The following POLH variants were observed in gnomAD, a reference collection of about 807,000 sequenced individuals.
POLH encodes the protein DNA polymerase eta.
Under a neutral mutation model 73.6 loss-of-function variants are expected in POLH, and 53 were observed. The ratio of observed to expected loss-of-function variants is 0.72; its 90% CI spans 0.58 to 0.91. The LOEUF is 0.91. Among genes scored for constraint, POLH ranks in the 40% least tolerant of loss-of-function variants. The pLI, the probability that POLH is intolerant of heterozygous loss-of-function variation, is 0.00. For missense variants in POLH, 768 were observed against 865.4 expected (o/e 0.89, Z 1.41); for synonymous variants, 292 against 308.5 (o/e 0.95, Z 0.56).
At chr6:43,594,020 AT>A (rs1765772433) in intron 4 of POLH, among the ~76,000 whole-genome samples, 1 of 152,140 alleles carries the variant, frequency 6.6e-6, no homozygotes, top group African/African-American at 2.4e-5. Flanking sequence ...GATTTTTCTT[AT>A]CAACTAGAGA....
At chr6:43,613,373 G>A (rs1017827923) in intron 10 of POLH, among the ~76,000 whole-genome samples, 6 of 152,096 alleles carry the variant, frequency 3.9e-5, no homozygotes, top group Non-Finnish European at 7.4e-5. Context: ...TCTAGCTGTC[G>A]GGAGGTGAGT....
chr6:43,583,151 A>C lies in POLH; in HGVS notation c.272+10A>C. On this transcript the variant is annotated intron_variant, in intron 3 of 10. Coordinates refer to ENST00000372236, the MANE Select transcript of POLH (RefSeq NM_006502.3). Reference sequence around the variant, plus strand: ...AAGCTAACCTCACCAAGTAAGAAAAAAACATTATTTAAGGAGACATAAAGG... The same window carrying C: ...AAGCTAACCTCACCAAGTAAGAAAACAACATTATTTAAGGAGACATAAAGG... 6.2e-7 allele frequency: 1 copy of C among 1,613,516 alleles called. No homozygotes were observed. Among genetic ancestry groups the C allele is most frequent in the African/African-American group, 1.3e-5 (1 of 75,036 alleles).
rs1768602932 is a variant in POLH at position 43,619,938 on chromosome 6, G to A, written c.*5381G>A. On this transcript the variant is annotated 3_prime_UTR_variant, in exon 11 of 11. Transcript: ENST00000372236. ...TTGGGTCACATATTTCTTTTCCAGG[G>A]TCTCCTCAAAATGCAGTTTCTATTT... Among the ~76,000 whole-genome samples the A allele has an allele frequency of 6.6e-6, 1 of 152,120 alleles. No individual in the cohort carries two copies. Among genetic ancestry groups the A allele is most frequent in the African/African-American group, 2.4e-5 (1 of 41,408 alleles).
rs532984490 is a variant in POLH at position 43,590,156 on chromosome 6, A to C, written c.490+2667A>C. 9.2e-5 allele frequency among the ~76,000 whole-genome samples: 14 copies of C among 152,016 alleles called. No individual in the cohort carries two copies. In the East Asian group the frequency reaches 2.5e-3, roughly 27 times the overall value. On this transcript the variant is annotated intron_variant, in intron 4 of 10. Coordinates refer to ENST00000372236, the MANE Select transcript of POLH (RefSeq NM_006502.3). The stretch of plus-strand genomic sequence containing the variant: ...GGTGGATCATGAGGTCAGGAGTTCA[A>C]GACCAGCCTGGCCAAGATGGTGAAA...
chr6:43,580,885 C>G (rs1332971927), intron 1 of POLH, among the ~76,000 whole-genome samples: 226 of 137,976 alleles, frequency 1.6e-3, no homozygotes, highest in Middle Eastern at 4.0e-3. Context: ...GCTGGCCGGG[C>G]GGAGGGCTGA....
intron 6 of POLH, among the ~76,000 whole-genome samples, chr6:43,602,591 G>A (rs1766853062): frequency 6.6e-6 from 1 of 152,146 alleles, no homozygotes; most frequent in Non-Finnish European, 1.5e-5. Flanking sequence ...GCACCATATT[G>A]AGGAGGATAA....
chr6:43,597,514 C>T (rs1267310656), intron 4 of POLH, among the ~76,000 whole-genome samples, 182 bp from the exon 5 acceptor site: 1 of 152,208 alleles, frequency 6.6e-6, no homozygotes, highest in East Asian at 1.9e-4. Context: ...TGAAGCTAAG[C>T]TGCGGGAACA....
intron 9 of POLH, among the ~76,000 whole-genome samples, chr6:43,605,952 C>T (rs544809667): frequency 6.6e-6 from 1 of 152,064 alleles, no homozygotes; most frequent in Non-Finnish European, 1.5e-5. Flanking sequence ...TTGAATGCCT[C>T]ACCTCAGGTG....
At chr6:43,587,619 A>T in intron 4 of POLH, 130 bp downstream of exon 4, 1 of 733,844 alleles carries the variant, frequency 1.4e-6, no homozygotes, top group South Asian at 1.5e-5. Flanking sequence ...AAGGACTCAC[A>T]TGGAAGGATA....
At chr6:43,612,862 C>T (rs930989618) in intron 10 of POLH, among the ~76,000 whole-genome samples, 9 of 144,800 alleles carry the variant, frequency 6.2e-5, no homozygotes, top group African/African-American at 2.3e-4. Context: ...AGTGCAGTGG[C>T]GCAATCTCCG....
intron 1 of POLH, chr6:43,578,552 AAAAC>A (rs1361864709): frequency 1.2e-5 from 4 of 327,580 alleles, no homozygotes; most frequent in African/African-American, 2.2e-5. Context: ...ATGGTCATGA[AAAAC>A]AAGGAACAAC....
chr6:43,591,608 C>T (rs577611611), intron 4 of POLH, among the ~76,000 whole-genome samples: 5 of 150,892 alleles, frequency 3.3e-5, no homozygotes, highest in African/African-American at 9.8e-5. Flanking sequence ...CATGAGCCAC[C>T]GCACCCAGCC....
chr6:43,609,915 AG>A (rs1398310763), intron 9 of POLH, among the ~76,000 whole-genome samples: 3 of 152,140 alleles, frequency 2.0e-5, no homozygotes, highest in Non-Finnish European at 4.4e-5. Context: ...AAAACATCCT[AG>A]GATACTCCGA....
Position 43,600,988 on chromosome 6 carries a change from G to T in POLH, c.661G>T (p.Val221Phe). The T allele has an allele frequency of 6.2e-7, 1 of 1,612,120 alleles. No individual in the cohort carries two copies. Among genetic ancestry groups the T allele is most frequent in the Non-Finnish European group, 8.5e-7 (1 of 1,178,204 alleles). ...GTTTTTATACTTTGCATGCTTCCAG[G>T]TCCTGGCAAAACTGGCCTGTGGACT... ...QCSAGISHNK[V>F]LAKLACGLNK... The change falls in exon 6 of 11, where the codon GTC becomes TTC. Residue 221 changes from valine to phenylalanine, a missense_variant and splice_region_variant. Transcript: ENST00000372236.
Position 43,587,384 on chromosome 6 carries a change from C to T in POLH, c.385C>T (p.Leu129=), listed in dbSNP as rs764092379. 5.0e-6 allele frequency: 8 copies of T among 1,613,976 alleles called. No homozygotes were observed. Among genetic ancestry groups the T allele is most frequent in the African/African-American group, 1.3e-5 (1 of 74,930 alleles). ...VDLTSAVQER[L]QKLQGQPISA... ...TCTGACCAGTGCTGTACAAGAGAGA[C>T]TACAAAAGCTACAAGGTCAGCCTAT... Residue 129 remains leucine, a synonymous_variant, in exon 4 of 11, where the codon CTA becomes TTA. Coordinates refer to ENST00000372236, the MANE Select transcript of POLH (RefSeq NM_006502.3).
intron 4 of POLH, among the ~76,000 whole-genome samples, chr6:43,590,369 A>C (rs1250069089): frequency 2.6e-5 from 4 of 151,642 alleles, no homozygotes; most frequent in South Asian, 2.1e-4. Context: ...AAAAAAAAAA[A>C]ACAAAAAACT....
intron 3 of POLH, among the ~76,000 whole-genome samples, chr6:43,585,256 C>G (rs894835179): frequency 1.3e-5 from 2 of 152,202 alleles, no homozygotes; most frequent in Non-Finnish European, 2.9e-5. Context: ...GGAATCTCTA[C>G]TATTACAGCT....
At chr6:43,586,587 T>C (rs9333518) in intron 3 of POLH, among the ~76,000 whole-genome samples, 3,556 of 152,324 alleles carry the variant, frequency 0.023, 126 homozygotes, top group African/African-American at 0.081. Flanking sequence ...TACGATGAGA[T>C]TGGTATGTAT....
Position 43,582,312 on chromosome 6 carries a change from A to G in POLH, c.-4-4A>G, listed in dbSNP as rs1263456385. Reference sequence around the variant, plus strand: ...CTAACTGTCCATAAAATGTTGTGTTACAGAAAAATGGCTACTGGACAGGAT... The same window carrying G: ...CTAACTGTCCATAAAATGTTGTGTTGCAGAAAAATGGCTACTGGACAGGAT... On this transcript the variant is annotated splice_region_variant and splice_polypyrimidine_tract_variant and intron_variant, in intron 1 of 10. Transcript: ENST00000372236. The G allele has an allele frequency of 6.2e-7, 1 of 1,613,890 alleles. No homozygotes were observed. The highest frequency in any genetic ancestry group is 2.2e-5 in the East Asian group (1 of 44,878).
Sources: gnomAD v4.1 joint callset for allele counts (sites outside exome capture counted in the v4.1 genomes callset) on GRCh38, gnomAD v4.1.1 for gene constraint, MANE v1.5 for transcripts, NCBI Gene and HGNC (gene_info 2026-07-23, HGNC 2026-07-21) for gene names.